Variants in FRK observed in about 807,000 individuals in gnomAD.
FRK encodes tyrosine-protein kinase FRK.
A neutral mutation model predicts 56.4 loss-of-function variants in FRK; 51 were observed. The ratio of observed to expected loss-of-function variants is 0.90; its 90% CI spans 0.72 to 1.14. The LOEUF is 1.14. Among genes scored for constraint, FRK ranks in the 50% most tolerant of loss-of-function variants. FRK has a pLI of 0.00. For synonymous variants in FRK, 245 were observed against 217.9 expected (o/e 1.12, Z -1.10); for missense variants, 570 against 601.4 (o/e 0.95, Z 0.55).
At chr6:116,038,927 G>A in intron 1 of FRK, 1 of 639,400 alleles carries the variant, frequency 1.6e-6, no homozygotes, top group Non-Finnish European at 3.0e-6. Flanking sequence ...TAGAGCCCAA[G>A]ATTGCTGTGG....
At chr6:116,005,169 G>A (rs1052563560) in intron 1 of FRK, among the ~76,000 whole-genome samples, 5 of 152,104 alleles carry the variant, frequency 3.3e-5, no homozygotes, top group African/African-American at 9.7e-5. Context: ...CAGGGTGTTC[G>A]TTTATCATTT....
the FRK span, among the ~76,000 whole-genome samples, chr6:116,072,828 G>A: frequency 1.3e-5 from 2 of 152,150 alleles, no homozygotes; most frequent in African/African-American, 2.4e-5. Flanking sequence ...TGAGATATCT[G>A]TGGAAAGTAT....
At chr6:116,000,223 C>CTTTCTTTTTTTTT (rs1775002178) in intron 2 of FRK, among the ~76,000 whole-genome samples, 10 of 53,112 alleles carry the variant, frequency 1.9e-4, no homozygotes, top group Admixed American at 2.1e-4. Flanking sequence ...ATCATTCTTT[C>CTTTCTTTTTTTTT]TTTTTTTTTT....
At chr6:116,007,300 CT>C (rs1562282695) in intron 1 of FRK, among the ~76,000 whole-genome samples, 1 of 152,214 alleles carries the variant, frequency 6.6e-6, no homozygotes, top group African/African-American at 2.4e-5. Flanking sequence ...CTCACTCATG[CT>C]TGCTCTCCAG....
rs995659340 is a variant in FRK at position 115,944,419 on chromosome 6, G to T, written c.965C>A (p.Thr322Asn). The T allele has an allele frequency of 1.2e-6, 2 of 1,603,728 alleles. No individual in the cohort carries two copies. Among genetic ancestry groups the T allele is most frequent in the Non-Finnish European group, 1.7e-6 (2 of 1,177,282 alleles). Residue 322 changes from threonine to asparagine, a missense_variant, in exon 6 of 8, where the codon ACT (threonine) becomes AAT (asparagine). Coordinates refer to ENST00000606080, the MANE Select transcript of FRK (RefSeq NM_002031.3). Reference protein sequence around the residue: ...GSLQEYLQNDTGSKIHLTQQV... With the variant: ...GSLQEYLQNDNGSKIHLTQQV... ...TTGAGTCAGATGGATTTTTGATCCAGTGTCATCTAAGTAATAAGAGAAAAG... is the reference window on the plus strand; with the variant it reads ...TTGAGTCAGATGGATTTTTGATCCATTGTCATCTAAGTAATAAGAGAAAAG...
At chr6:116,017,365 G>C (rs1443252196) in intron 1 of FRK, among the ~76,000 whole-genome samples, 2 of 152,128 alleles carry the variant, frequency 1.3e-5, no homozygotes, top group Non-Finnish European at 2.9e-5. Flanking sequence ...TTCAAACCCT[G>C]TTCAAAATAA....
At chr6:116,037,201 G>T (rs185895242) in intron 1 of FRK, among the ~76,000 whole-genome samples, 14 of 152,198 alleles carry the variant, frequency 9.2e-5, no homozygotes, top group Non-Finnish European at 1.6e-4. Flanking sequence ...AAATATAAAA[G>T]ATTTTTTATA....
At position 115,943,128 on chromosome 6, in the gene FRK, T is replaced by C; in HGVS notation, c.1198A>G (p.Thr400Ala). ...RHEIKLPVKW[T>A]APEAIRSNKF... ...TTACTACGAATGGCTTCGGGCGCAGTCCACTTCACCGGCAGCTTTATTTCG... is the reference window on the plus strand; with the variant it reads ...TTACTACGAATGGCTTCGGGCGCAGCCCACTTCACCGGCAGCTTTATTTCG... Residue 400 changes from threonine (T) to alanine (A), a missense_variant, in exon 7 of 8, where the codon ACT (threonine) becomes GCT (alanine). Transcript: ENST00000606080. 6.2e-7 allele frequency: 1 copy of C among 1,613,204 alleles called. No individual in the cohort carries two copies. Among genetic ancestry groups the C allele is most frequent in the Non-Finnish European group, 8.5e-7 (1 of 1,179,566 alleles).
rs1424217880 is a variant in FRK at position 115,934,436 on chromosome 6, C to T, written c.*7978G>A. 6.6e-6 allele frequency: 1 copy of T among 152,184 alleles called. No homozygotes were observed. The highest frequency in any genetic ancestry group is 1.5e-5 in the Non-Finnish European group (1 of 68,024). The allele number at this position is 152,184 out of a possible 1,614,324, so 9.4% of individuals were successfully genotyped here. On this transcript the variant is annotated 3_prime_UTR_variant, in exon 8 of 8. Coordinates refer to ENST00000606080, the MANE Select transcript of FRK (RefSeq NM_002031.3). ...TTGGGATAGAGATTTCCCATTTTCT[C>T]TTGCCAGATGAGGAGAAGAGAACGC...
intron 1 of FRK, among the ~76,000 whole-genome samples, chr6:116,011,527 T>C (rs1265090500): frequency 3.9e-5 from 6 of 151,990 alleles, no homozygotes; most frequent in African/African-American, 1.4e-4. Context: ...GTCGATCAAC[T>C]TGGCCTAACC....
the FRK span, among the ~76,000 whole-genome samples, chr6:116,079,019 T>A: frequency 6.6e-6 from 1 of 152,184 alleles, no homozygotes; most frequent in South Asian, 2.1e-4. Flanking sequence ...AACTGTGTAT[T>A]CTGTTGGGAT....
intron 1 of FRK, among the ~76,000 whole-genome samples, chr6:116,044,571 A>AT (rs1776862743): frequency 6.6e-6 from 1 of 152,218 alleles, no homozygotes; most frequent in African/African-American, 2.4e-5. Context: ...TTAGGTATTG[A>AT]TGAAATGTAT....
rs572173487 is a variant in FRK, at chr6:115,940,470, T to C, written c.*1944A>G. On this transcript the variant is annotated 3_prime_UTR_variant, in exon 8 of 8. Transcript: ENST00000606080. ...AAACCAATGGCAACAAAAGCCCAAA[T>C]TGAGAAATGGGATCTAATTAAACTA... The C allele has an allele frequency of 1.6e-4, 24 of 152,132 alleles. No homozygotes were observed. In the East Asian group the frequency reaches 4.1e-3, roughly 26 times the overall value. 9.4% of individuals were successfully genotyped at this position (152,132 alleles called of 1,614,324 possible).
chr6:116,092,004 G>T, the FRK span, among the ~76,000 whole-genome samples: 1 of 152,170 alleles, frequency 6.6e-6, no homozygotes, highest in Non-Finnish European at 1.5e-5. Context: ...ATGCCAGTCA[G>T]ACAAGCTTCC....
At chr6:116,032,851 T>TA (rs1255310751) in intron 1 of FRK, among the ~76,000 whole-genome samples, 1 of 152,058 alleles carries the variant, frequency 6.6e-6, no homozygotes, top group Non-Finnish European at 1.5e-5. Context: ...TTCAATTCAT[T>TA]AAAAAAATTC....
chr6:115,996,249 C>T (rs1582693375), intron 2 of FRK, among the ~76,000 whole-genome samples: 1 of 152,172 alleles, frequency 6.6e-6, no homozygotes, highest in East Asian at 1.9e-4. Context: ...ACACTAGTGG[C>T]CACAATGTTC....
Position 115,942,409 on chromosome 6 carries a change from A to G in FRK, c.*5T>C. 1 of 1,601,140 alleles carries G rather than the reference A, an allele frequency of 6.2e-7. No homozygotes were observed. Among genetic ancestry groups the G allele is most frequent in the African/African-American group, 1.3e-5 (1 of 74,750 alleles). On this transcript the variant is annotated 3_prime_UTR_variant, in exon 8 of 8. Transcript: ENST00000606080. The stretch of plus-strand genomic sequence containing the variant: ...ACTTTATTATTTGATATTCTTCTCC[A>G]GTGTTCATCTTATGAAGTTATTTGC...
At chr6:116,083,589 G>A in the FRK span, among the ~76,000 whole-genome samples, 1 of 152,038 alleles carries the variant, frequency 6.6e-6, no homozygotes, top group Non-Finnish European at 1.5e-5. Context: ...ATCATCTAGA[G>A]GTTTTATTAA....
intron 1 of FRK, among the ~76,000 whole-genome samples, chr6:116,028,934 C>A (rs1776199280): frequency 6.6e-6 from 1 of 152,104 alleles, no homozygotes; most frequent in South Asian, 2.1e-4. Flanking sequence ...CTTATGTTGT[C>A]ATTGGAAGGA....
Sources: gnomAD v4.1 joint callset for allele counts (sites outside exome capture counted in the v4.1 genomes callset) on GRCh38, gnomAD v4.1.1 for gene constraint, MANE v1.5 for transcripts, NCBI Gene and HGNC (gene_info 2026-07-23, HGNC 2026-07-21) for gene names.